SGCD: variants seen among roughly 807,000 people sequenced by gnomAD.
The protein encoded by SGCD is delta-sarcoglycan.
In SGCD, 18 loss-of-function variants were observed where a neutral mutation model predicts 36.6. The ratio of observed to expected loss-of-function variants is 0.49; its 90% confidence interval spans 0.34 to 0.73. The LOEUF (loss-of-function observed/expected upper bound fraction) is 0.73. SGCD is among the 30% of genes least tolerant of loss of function. The pLI is 0.01. For missense variants in SGCD, 387 were observed against 346.7 expected, an observed-to-expected ratio of 1.12 and a Z score of -0.92; for synonymous variants, 133 against 130.6, an observed-to-expected ratio of 1.02 and a Z score of -0.12.
At chr5:155,796,498 A>T in the SGCD span, among the ~76,000 whole-genome samples, 8 of 152,100 alleles carry the variant, frequency 5.3e-5, no homozygotes, top group African/African-American at 1.7e-4. Context: ...TAAGAAAAAA[A>T]AAACACTTAA....
At chr5:155,862,925 A>C in the SGCD span, among the ~76,000 whole-genome samples, 10 of 152,346 alleles carry the variant, frequency 6.6e-5, 1 homozygote, top group East Asian at 9.7e-4. Flanking sequence ...AACCCTGACA[A>C]AGACTGCTTT....
the SGCD span, among the ~76,000 whole-genome samples, chr5:155,842,246 GT>G: frequency 4.4e-3 from 565 of 129,032 alleles, 2 homozygotes; most frequent in Middle Eastern, 0.016. Context: ...CATTTGAGGT[GT>G]TTTTTTTTTT....
intron 1 of SGCD, among the ~76,000 whole-genome samples, chr5:155,979,291 G>A (rs1018066976): frequency 2.6e-5 from 4 of 152,172 alleles, no homozygotes; most frequent in African/African-American, 7.2e-5. Context: ...ACTGAACTCT[G>A]TATCAGAGAT....
At chr5:156,732,313 G>C (rs573447078) in intron 7 of SGCD, among the ~76,000 whole-genome samples, 5 of 151,954 alleles carry the variant, frequency 3.3e-5, no homozygotes, top group African/African-American at 9.6e-5. Context: ...TAACATGAAT[G>C]GATGTTGAAT....
chr5:156,412,837 G>T lies in SGCD; in HGVS notation c.192+68160G>T, dbSNP rs551766083. Among the ~76,000 whole-genome samples the T allele has an allele frequency of 1.5e-3, 225 of 147,184 alleles. 1 individual carries two copies. Among genetic ancestry groups the T allele is most frequent in the Admixed American group, 2.1e-3 (30 of 14,564 alleles). ...GGAGTCTCGCTCTGTCGCCCAGGCC[G>T]GACTGCGGACTGCAGTGGCGCAATC... On this transcript the variant is annotated intron_variant, in intron 3 of 8. Coordinates refer to ENST00000337851, the MANE Select transcript of SGCD (RefSeq NM_000337.6).
intron 3 of SGCD, among the ~76,000 whole-genome samples, chr5:156,226,377 G>T (rs1764859390): frequency 6.6e-6 from 1 of 152,076 alleles, no homozygotes; most frequent in Admixed American, 6.6e-5. Flanking sequence ...ATCTCATCCA[G>T]GTCACTGCGA....
rs139730207 is a variant in SGCD at position 156,710,776 on chromosome 5, T to A, written c.576-46805T>A. ...GTAGATGAAGTCTCATAGGTGGTCA[T>A]CTTTAGAGGCAATAGATGGCAAATG... On this transcript the variant is annotated intron_variant, in intron 7 of 8. Transcript: ENST00000337851. Among the ~76,000 whole-genome samples the A allele has an allele frequency of 2.1e-3, 319 of 152,312 alleles. 1 individual carries two copies. Among genetic ancestry groups the A allele is most frequent in the African/African-American group, 7.3e-3 (304 of 41,558 alleles).
intron 1 of SGCD, among the ~76,000 whole-genome samples, chr5:155,935,395 G>A (rs1051289961): frequency 1.3e-5 from 2 of 152,136 alleles, no homozygotes; most frequent in Non-Finnish European, 2.9e-5. Flanking sequence ...GATAGGAGAG[G>A]TCACTGCCCT....
chr5:156,714,974 C>A (rs157675), intron 7 of SGCD, among the ~76,000 whole-genome samples: 8,483 of 152,146 alleles, frequency 0.056, 399 homozygotes, highest in East Asian at 0.21. Context: ...ACTGTTCTAC[C>A]GTTGACTGGA....
At chr5:155,905,780 C>T (rs1017928876) in intron 1 of SGCD, among the ~76,000 whole-genome samples, 3 of 152,022 alleles carry the variant, frequency 2.0e-5, no homozygotes, top group Non-Finnish European at 4.4e-5. Flanking sequence ...GGGGTTTCTG[C>T]TTTTGCTTTT....
In SGCD at chr5:156,471,992, A is replaced by G. The variant is rs771791830; in HGVS notation, c.193-36609A>G. On this transcript the variant is annotated intron_variant, in intron 3 of 8. Coordinates refer to ENST00000337851, the MANE Select transcript of SGCD (RefSeq NM_000337.6). The stretch of plus-strand genomic sequence containing the variant: ...ACAAAAGAAGATTTATGAATGGCCA[A>G]TTAAGCACATGAAAATGTCCTCAAC... Among the ~76,000 whole-genome samples the G allele has an allele frequency of 3.6e-4, 54 of 151,932 alleles. 1 individual carries two copies. Among genetic ancestry groups the G allele is most frequent in the East Asian group, 1.9e-4 (1 of 5,184 alleles).
intron 1 of SGCD, among the ~76,000 whole-genome samples, chr5:156,087,332 A>G (rs2127593081): frequency 6.6e-6 from 1 of 152,232 alleles, no homozygotes; most frequent in South Asian, 2.1e-4. Flanking sequence ...TGCCCCCTTG[A>G]ACAGCCATTA....
chr5:156,133,266 G>T (rs999889262), intron 3 of SGCD, among the ~76,000 whole-genome samples: 1 of 152,138 alleles, frequency 6.6e-6, no homozygotes, highest in African/African-American at 2.4e-5. Context: ...AAAGCAGATT[G>T]AGCTAAAGAA....
chr5:156,069,949 A>C (rs927822407), intron 1 of SGCD, among the ~76,000 whole-genome samples: 1 of 151,978 alleles, frequency 6.6e-6, no homozygotes. Flanking sequence ...ATTGGTGTAT[A>C]AGACTGCTTG....
chr5:156,418,246 A>G (rs1405872293), intron 3 of SGCD, among the ~76,000 whole-genome samples: 1 of 152,192 alleles, frequency 6.6e-6, no homozygotes, highest in East Asian at 1.9e-4. Context: ...ATGAGTTCCA[A>G]CTTCATAAAA....
chr5:156,608,712 A>G (rs189356497), intron 6 of SGCD, among the ~76,000 whole-genome samples: 2,410 of 152,276 alleles, frequency 0.016, 65 homozygotes, highest in African/African-American at 0.055. Flanking sequence ...GACTTGCTTT[A>G]TGAATCTGGG....
At chr5:156,197,064 A>G (rs1441731274) in intron 3 of SGCD, among the ~76,000 whole-genome samples, 3 of 152,150 alleles carry the variant, frequency 2.0e-5, no homozygotes, top group African/African-American at 7.2e-5. Flanking sequence ...ACAATCTCCT[A>G]TTGTCAGATA....
At chr5:156,289,012 A>G (rs1290309452) in intron 3 of SGCD, among the ~76,000 whole-genome samples, 1 of 152,162 alleles carries the variant, frequency 6.6e-6, no homozygotes, top group East Asian at 1.9e-4. Context: ...TTCACTGATT[A>G]AAACAAGGAG....
intron 3 of SGCD, among the ~76,000 whole-genome samples, chr5:156,141,447 C>A (rs184159657): frequency 1.8e-4 from 28 of 152,346 alleles, no homozygotes; most frequent in Middle Eastern, 6.8e-3. Flanking sequence ...CTGCTCACAG[C>A]AAAGCCTGGG....
Sources: gnomAD v4.1 joint callset for allele counts (sites outside exome capture counted in the v4.1 genomes callset) on GRCh38, gnomAD v4.1.1 for gene constraint, MANE v1.5 for transcripts, NCBI Gene and HGNC (gene_info 2026-07-23, HGNC 2026-07-21) for gene names.